SHCBP1: variants seen among roughly 807,000 people sequenced by gnomAD.
SHCBP1 encodes SHC SH2 domain-binding protein 1.
In SHCBP1, 60 loss-of-function variants were observed where a neutral mutation model predicts 75.1. That is an observed-to-expected ratio of 0.80 (90% CI 0.65 to 0.99). The LOEUF (loss-of-function observed/expected upper bound fraction) is 0.99, where lower values mean the gene tolerates loss of function less well. SHCBP1 is among the 50% of genes least tolerant of loss of function. The pLI, the probability that SHCBP1 is intolerant of heterozygous loss-of-function variation, is 0.00. For synonymous variants in SHCBP1, 290 were observed against 293.2 expected, an observed-to-expected ratio of 0.99 and a Z score of 0.11; for missense variants, 709 against 809.4, an observed-to-expected ratio of 0.88 and a Z score of 1.50.
rs375185810 is a variant in SHCBP1 at position 46,604,086 on chromosome 16, G to T, written c.981C>A (p.Ser327Arg). The T allele has an allele frequency of 1.2e-6, 2 of 1,614,140 alleles. No individual in the cohort carries two copies. The highest frequency in any genetic ancestry group is 1.3e-5 in the African/African-American group (1 of 75,040). ...SNIQAKGVRS[S>R]GQKITHVVSS... ...AGACCACATGAGTGATCTTCTGACC[G>T]CTGGAACGGACACCCTTTGCTTGGA... Residue 327 changes from serine to arginine, a missense_variant, in exon 7 of 13, where the codon AGC becomes AGA. Transcript: ENST00000303383.
rs1320747434 is a variant in SHCBP1 at position 46,603,874 on chromosome 16, C to T, written c.1092+101G>A. On this transcript the variant is annotated intron_variant, in intron 7 of 12. Coordinates refer to ENST00000303383, the MANE Select transcript of SHCBP1 (RefSeq NM_024745.5). ...TCACTACTTCCCATGCACAGAAAAC[C>T]GTCTTGGGAAAGCTCCTGTAAATAC... 6.9e-6 allele frequency: 10 copies of T among 1,452,098 alleles called. No homozygotes were observed. The Admixed American group carries it at 7.0e-5, about 10-fold the overall frequency. 90.0% of individuals were successfully genotyped at this position (1,452,098 alleles called of 1,614,324 possible).
chr16:46,617,747 C>G lies in SHCBP1; in HGVS notation c.274G>C (p.Asp92His), dbSNP rs772205443. ...FRAYQDYILA[D>H]CKASEVQEFT... is the part of the protein sequence containing the mutation. ...TCCTGTACCTCAGAGGCCTTGCAGT[C>G]AGCTACAAACAAATTAAACACAGGA... The change falls in exon 3 of 13, where the codon GAC (aspartate) becomes CAC (histidine). Residue 92 changes from aspartate (D) to histidine (H), a missense_variant and splice_region_variant. Physicochemically the swap from Asp to His is moderately conservative, Grantham distance 81 (BLOSUM62 -1). Coordinates refer to ENST00000303383, the MANE Select transcript of SHCBP1 (RefSeq NM_024745.5). The G allele has an allele frequency of 1.2e-6, 2 of 1,609,160 alleles. No homozygotes were observed. Among genetic ancestry groups the G allele is most frequent in the South Asian group, 2.2e-5 (2 of 90,868 alleles).
At chr16:46,605,314 C>T (rs534117863) in intron 5 of SHCBP1, among the ~76,000 whole-genome samples, 1 of 152,272 alleles carries the variant, frequency 6.6e-6, no homozygotes, top group African/African-American at 2.4e-5. Context: ...ATAGGCCAGG[C>T]ACAGTGGCTC....
At chr16:46,608,828 T>C (rs1290947772) in intron 4 of SHCBP1, among the ~76,000 whole-genome samples, 3 of 152,136 alleles carry the variant, frequency 2.0e-5, no homozygotes, top group Non-Finnish European at 4.4e-5. Flanking sequence ...CTCAAACTCC[T>C]GACCTCATGA....
chr16:46,619,218 T>A (rs1965548621), intron 1 of SHCBP1, among the ~76,000 whole-genome samples: 1 of 152,240 alleles, frequency 6.6e-6, no homozygotes. Context: ...TAATTCTATG[T>A]AATGTTTTTA....
chr16:46,597,306 G>T (rs765348513), intron 9 of SHCBP1, among the ~76,000 whole-genome samples: 3 of 152,048 alleles, frequency 2.0e-5, no homozygotes, highest in Non-Finnish European at 2.9e-5. Flanking sequence ...CTACTTGGGG[G>T]GCAAAGGCAG....
chr16:46,610,469 C>CCTCTTTTT (rs1965393480), intron 4 of SHCBP1, among the ~76,000 whole-genome samples: 1 of 149,046 alleles, frequency 6.7e-6, no homozygotes, highest in African/African-American at 2.5e-5. Context: ...ATTACCTCTC[C>CCTCTTTTT]CTCTTTTTTC....
intron 9 of SHCBP1, among the ~76,000 whole-genome samples, chr16:46,596,185 T>A (rs1596676382): frequency 6.6e-6 from 1 of 152,104 alleles, no homozygotes; most frequent in East Asian, 1.9e-4. Context: ...TTAAGATTGC[T>A]AAGTCATCAC....
chr16:46,581,456 G>A lies in SHCBP1; in HGVS notation c.*273C>T. On this transcript the variant is annotated 3_prime_UTR_variant, in exon 13 of 13. Coordinates refer to ENST00000303383, the MANE Select transcript of SHCBP1 (RefSeq NM_024745.5). ...AATTACACTAAAAAGTTACTACCAG[G>A]CTTAATATGAGAGAACCATGTGTAT... The A allele has an allele frequency of 2.6e-6, 1 of 377,852 alleles. No homozygotes were observed. The highest frequency in any genetic ancestry group is 5.4e-5 in the East Asian group (1 of 18,410). The allele number at this position is 377,852 out of a possible 1,614,324, so 23.4% of individuals were successfully genotyped here. A position where few individuals can be genotyped will look rare whatever the true frequency, so the allele number is the denominator to read the frequency against.
intron 8 of SHCBP1, among the ~76,000 whole-genome samples, chr16:46,602,562 C>T (rs1424798920): frequency 1.3e-5 from 2 of 148,486 alleles, no homozygotes; most frequent in Admixed American, 6.6e-5. Context: ...ATATACAGGA[C>T]CAAGATGAAC....
In SHCBP1 at chr16:46,580,355, T is replaced by A. The variant is rs1263050756; in HGVS notation, c.*1374A>T. Among the ~76,000 whole-genome samples, 1 of 152,096 alleles carries A rather than the reference T, an allele frequency of 6.6e-6. No individual in the cohort carries two copies. Among genetic ancestry groups the A allele is most frequent in the Non-Finnish European group, 1.5e-5 (1 of 68,024 alleles). On this transcript the variant is annotated 3_prime_UTR_variant, in exon 13 of 13. Transcript: ENST00000303383. ...AATAAATCTAACATAAATCCTACAT[T>A]TAGTAGCATCCAAAAAATAAGAATT...
chr16:46,594,636 T>C (rs1424503173), intron 10 of SHCBP1, among the ~76,000 whole-genome samples: 3 of 152,072 alleles, frequency 2.0e-5, no homozygotes, highest in African/African-American at 7.2e-5. Context: ...CACTCAAACA[T>C]TGCTAGTAGG....
At chr16:46,583,709 G>A (rs768024580) in intron 11 of SHCBP1, 52 bp from the exon 12 acceptor site, 2 of 1,563,720 alleles carry the variant, frequency 1.3e-6, no homozygotes, top group Non-Finnish European at 1.7e-6. Context: ...AACATTTCCT[G>A]CCTTAAAAAT....
At position 46,587,964 on chromosome 16, in the gene SHCBP1, C is replaced by G. The variant is rs571915153; in HGVS notation, c.1465-3875G>C. Among the ~76,000 whole-genome samples the G allele has an allele frequency of 4.6e-5, 7 of 152,334 alleles. No homozygotes were observed. In the South Asian group the frequency reaches 1.4e-3, roughly 32 times the overall value. ...AAGAACAGAAATTATAACAAACTGT[C>G]TCTCAGACCACAGTGCAATCAAACT... On this transcript the variant is annotated intron_variant, in intron 10 of 12. Transcript: ENST00000303383.
intron 5 of SHCBP1, among the ~76,000 whole-genome samples, chr16:46,605,459 G>A (rs1965310581): frequency 6.6e-6 from 1 of 152,096 alleles, no homozygotes; most frequent in African/African-American, 2.4e-5. Context: ...GTGATGGCAT[G>A]CACTTGTAGT....
Position 46,581,995 on chromosome 16 carries a change from G to C in SHCBP1, c.1753C>G (p.Leu585Val). The C allele has an allele frequency of 6.2e-7, 1 of 1,614,114 alleles. No homozygotes were observed. Among genetic ancestry groups the C allele is most frequent in the Non-Finnish European group, 8.5e-7 (1 of 1,180,024 alleles). ...GEPDVAERVD[L>V]EELIECATGK... ...GTTGCACACTCAATCAGCTCTTCTAGATCCACTCTTTCAGCCACATCTGGC... is the reference window on the plus strand; with the variant it reads ...GTTGCACACTCAATCAGCTCTTCTACATCCACTCTTTCAGCCACATCTGGC... Residue 585 changes from leucine to valine, a missense_variant, in exon 13 of 13, where the codon CTA becomes GTA. Transcript: ENST00000303383.
At chr16:46,613,849 A>G (rs1965455921) in intron 4 of SHCBP1, among the ~76,000 whole-genome samples, 2 of 152,208 alleles carry the variant, frequency 1.3e-5, no homozygotes, top group South Asian at 2.1e-4. Context: ...CATTGAATCA[A>G]CGAACAAATG....
Position 46,621,298 on chromosome 16 carries a change from A to G in SHCBP1, c.62T>C (p.Met21Thr), listed in dbSNP as rs6598679. 1 allele frequency: 1,606,409 copies of G among 1,610,782 alleles called. 801,095 individuals are homozygous for G. The highest frequency in any genetic ancestry group is 1 in the East Asian group (44,824 of 44,824). Reference sequence around the variant, plus strand: ...CAGCTCCTGCTCCACCGCCCAGCCCATGCGCTCCGGCGCCATGGCCGCTGC... The same window carrying G: ...CAGCTCCTGCTCCACCGCCCAGCCCGTGCGCTCCGGCGCCATGGCCGCTGC... ...LEAAAMAPER[M>T]GWAVEQELAS... The change falls in exon 1 of 13, where the codon ATG becomes ACG. Residue 21 changes from methionine (M) to threonine (T), a missense_variant. Met to Thr is a moderately conservative substitution (Grantham distance 81, BLOSUM62 -1). Coordinates refer to ENST00000303383, the MANE Select transcript of SHCBP1 (RefSeq NM_024745.5).
Position 46,610,544 on chromosome 16 carries a change from AT to A in SHCBP1, c.597-2156del, listed in dbSNP as rs60140518. On this transcript the variant is annotated intron_variant, in intron 4 of 12. Transcript: ENST00000303383. ...TGGTGATTACATCCCCATGGGGTCA[AT>A]TTTTTTTTTTTTTTTTTTTTTTTTT... is the stretch of plus-strand genomic sequence containing the variant. Among the ~76,000 whole-genome samples the A allele has an allele frequency of 5.6e-3, 174 of 31,054 alleles. 1 individual carries two copies. Among genetic ancestry groups the A allele is most frequent in the Admixed American group, 7.3e-3 (9 of 1,230 alleles). 20.4% of individuals were successfully genotyped at this position (31,054 alleles called of 152,430 possible).
Sources: gnomAD v4.1 joint callset for allele counts (sites outside exome capture counted in the v4.1 genomes callset) on GRCh38, gnomAD v4.1.1 for gene constraint, MANE v1.5 for transcripts, NCBI Gene and HGNC (gene_info 2026-07-23, HGNC 2026-07-21) for gene names.